USP24: variants seen among roughly 807,000 people sequenced by gnomAD.
USP24 encodes ubiquitin carboxyl-terminal hydrolase 24.
A neutral mutation model predicts 361.6 loss-of-function variants in USP24; 97 were observed. The ratio of observed to expected loss-of-function variants is 0.27; its 90% CI spans 0.23 to 0.32. The LOEUF (loss-of-function observed/expected upper bound fraction) is 0.32, where lower values mean the gene tolerates loss of function less well. Among genes scored for constraint, USP24 ranks in the 10% least tolerant of loss-of-function variants. The pLI is 1.00. For synonymous variants in USP24, 1,098 were observed against 1,124.6 expected (o/e 0.98, Z 0.47); for missense variants, 2,353 against 3,165.6 (o/e 0.74, Z 6.16).
At chr1:55,170,673 A>G (rs539175768) in intron 5 of USP24, among the ~76,000 whole-genome samples, 12 of 152,154 alleles carry the variant, frequency 7.9e-5, no homozygotes, top group Non-Finnish European at 1.8e-4. Context: ...CTTTCCACTC[A>G]GCTTTTTCCT....
At chr1:55,105,397 T>C (rs1366682936) in intron 41 of USP24, among the ~76,000 whole-genome samples, 1 of 152,224 alleles carries the variant, frequency 6.6e-6, no homozygotes, top group Admixed American at 6.5e-5. Context: ...TGTGATAAGA[T>C]ACCTCTTAGG....
Position 55,128,860 on chromosome 1 carries a change from G to A in USP24, c.3635+617C>T, listed in dbSNP as rs1014694024. On this transcript the variant is annotated intron_variant, in intron 32 of 67. Coordinates refer to ENST00000294383, the MANE Select transcript of USP24 (RefSeq NM_015306.3). Reference sequence around the variant, plus strand: ...GTCCCAAGTAGTTAGGACTACAAGTGCATGTCATCACACTCAACTATTTTT... The same window carrying A: ...GTCCCAAGTAGTTAGGACTACAAGTACATGTCATCACACTCAACTATTTTT... Among the ~76,000 whole-genome samples, 40 of 151,556 alleles carry A rather than the reference G, an allele frequency of 2.6e-4. 1 individual carries two copies. The highest frequency in any genetic ancestry group is 2.5e-3 in the Admixed American group (38 of 15,188).
intron 1 of USP24, among the ~76,000 whole-genome samples, chr1:55,182,722 T>C (rs1228017972): frequency 6.6e-6 from 1 of 152,126 alleles, no homozygotes; most frequent in Non-Finnish European, 1.5e-5. Context: ...AAACAGTCTT[T>C]TATTTTTTTT....
At chr1:55,176,976 G>C (rs575242800) in intron 2 of USP24, among the ~76,000 whole-genome samples, 1 of 151,666 alleles carries the variant, frequency 6.6e-6, no homozygotes, top group African/African-American at 2.4e-5. Context: ...CTGTTGTCCC[G>C]GCTACTTGGG....
At chr1:55,095,911 G>C (rs541821712) in intron 50 of USP24, among the ~76,000 whole-genome samples, 3 of 152,248 alleles carry the variant, frequency 2.0e-5, no homozygotes, top group African/African-American at 7.2e-5. Flanking sequence ...TAAAAATTTA[G>C]AAATACCACT....
Position 55,070,123 on chromosome 1 carries a change from G to A in USP24, c.7801-1016C>T, listed in dbSNP as rs1262212837. Among the ~76,000 whole-genome samples the A allele has an allele frequency of 1.3e-5, 2 of 152,076 alleles. 1 individual carries two copies. Among genetic ancestry groups the A allele is most frequent in the Non-Finnish European group, 2.9e-5 (2 of 68,026 alleles). On this transcript the variant is annotated intron_variant, in intron 67 of 67. Coordinates refer to ENST00000294383, the MANE Select transcript of USP24 (RefSeq NM_015306.3). Reference sequence around the variant, plus strand: ...CCTTTCAAAGGGAGCTGTCCGGGATGACATGGGGGTGCTGTGTGTGAGATA... The same window carrying A: ...CCTTTCAAAGGGAGCTGTCCGGGATAACATGGGGGTGCTGTGTGTGAGATA...
At chr1:55,171,712 C>T in intron 4 of USP24, 34 bp from the exon 5 acceptor site, 2 of 1,579,230 alleles carry the variant, frequency 1.3e-6, no homozygotes, top group Non-Finnish European at 1.7e-6. Context: ...ACATTATTAT[C>T]TATTTCTATA....
Position 55,214,997 on chromosome 1 carries a change from T to C in USP24, c.117A>G (p.Ala39=), listed in dbSNP as rs1447679327. The C allele has an allele frequency of 2.1e-6, 3 of 1,462,292 alleles. No homozygotes were observed. Among genetic ancestry groups the C allele is most frequent in the Non-Finnish European group, 1.8e-6 (2 of 1,105,590 alleles). 90.6% of individuals were successfully genotyped at this position (1,462,292 alleles called of 1,614,324 possible). Residue 39 remains alanine, a synonymous_variant, in exon 1 of 68, where the codon GCA becomes GCG. Coordinates refer to ENST00000294383, the MANE Select transcript of USP24 (RefSeq NM_015306.3). The stretch of plus-strand genomic sequence containing the variant: ...GGCCCGGCCGCTCGTTGGTGAGCAG[T>C]GCCACGGCCTCGTTAATGTCGTTCT... ...LAKNDINEAV[A]LLTNERPGLD... is the part of the protein sequence containing the mutation.
At position 55,125,530 on chromosome 1, in the gene USP24, T is replaced by C; in HGVS notation, c.3750A>G (p.Gln1250=). 1 of 1,613,410 alleles carries C rather than the reference T, an allele frequency of 6.2e-7. No homozygotes were observed. The highest frequency in any genetic ancestry group is 8.5e-7 in the Non-Finnish European group (1 of 1,179,492). The change falls in exon 34 of 68, where the codon CAA becomes CAG. Residue 1250 remains glutamine, a synonymous_variant. Transcript: ENST00000294383. ...CTTCATCTAATAACGTGGGCATTGT[T>C]TGTCCGACAAGTAAAAATCTTAAAA... ...LQLARFLLVG[Q]TMPTLLDEDL...
chr1:55,153,091 C>G (rs1004850937), intron 16 of USP24, among the ~76,000 whole-genome samples: 1 of 152,146 alleles, frequency 6.6e-6, no homozygotes, highest in South Asian at 2.1e-4. Flanking sequence ...TAAGTTTGGT[C>G]TGGGCACCCT....
Position 55,171,966 on chromosome 1 carries a change from G to A in USP24, c.703-288C>T, listed in dbSNP as rs114813212. Among the ~76,000 whole-genome samples, 76 of 152,252 alleles carry A rather than the reference G, an allele frequency of 5.0e-4. 1 individual carries two copies. The highest frequency in any genetic ancestry group is 1.7e-3 in the African/African-American group (72 of 41,540). ...GCCCCAAGTGTGCTAGGGCTACCGG[G>A]GATGAGATGAGGAACAGAGGCACTG... On this transcript the variant is annotated intron_variant, in intron 4 of 67. Transcript: ENST00000294383.
intron 52 of USP24, among the ~76,000 whole-genome samples, chr1:55,093,275 CTCTT>C (rs1174001773): frequency 6.6e-6 from 1 of 152,192 alleles, no homozygotes. Context: ...TGGCTTAATT[CTCTT>C]TCTTTCTTAA....
At position 55,067,523 on chromosome 1, in the gene USP24, A is replaced by C. The variant is rs1376658979; in HGVS notation, c.*1522T>G. ...TAACAATGAAGTCTGACAGCACAGA[A>C]ACCCTCACTGCCAGAGAATGAAAAG... On this transcript the variant is annotated 3_prime_UTR_variant, in exon 68 of 68. Transcript: ENST00000294383. The C allele has an allele frequency of 6.6e-6, 1 of 152,232 alleles. No individual in the cohort carries two copies. The highest frequency in any genetic ancestry group is 1.9e-4 in the East Asian group (1 of 5,196). 9.4% of individuals were successfully genotyped at this position (152,232 alleles called of 1,614,324 possible).
intron 39 of USP24, among the ~76,000 whole-genome samples, chr1:55,107,987 G>C (rs1257964573): frequency 1.3e-5 from 2 of 151,998 alleles, no homozygotes; most frequent in Non-Finnish European, 2.9e-5. Context: ...GCAGGTCACT[G>C]TGCCATATGC....
At chr1:55,145,636 G>A (rs1417938609) in intron 20 of USP24, among the ~76,000 whole-genome samples, 1 of 152,120 alleles carries the variant, frequency 6.6e-6, no homozygotes, top group Non-Finnish European at 1.5e-5. Flanking sequence ...TTTAAAAAGT[G>A]AGTTTCATGG....
chr1:55,206,028 A>C (rs911094788), intron 1 of USP24, among the ~76,000 whole-genome samples: 3 of 152,212 alleles, frequency 2.0e-5, no homozygotes, highest in Non-Finnish European at 4.4e-5. Flanking sequence ...TGACTTGCCA[A>C]ACAACAGCAA....
intron 21 of USP24, among the ~76,000 whole-genome samples, chr1:55,143,676 G>A (rs1646950681): frequency 1.3e-5 from 2 of 151,278 alleles, no homozygotes. Context: ...AACATAAGCT[G>A]TACATCCTAG....
At chr1:55,136,657 T>C (rs553629879) in intron 28 of USP24, among the ~76,000 whole-genome samples, 168 of 152,210 alleles carry the variant, frequency 1.1e-3, no homozygotes, top group Non-Finnish European at 1.9e-3. Context: ...AATTTGGTCA[T>C]GGACACGGGT....
chr1:55,138,585 T>C, intron 26 of USP24, 23 bp downstream of exon 26: 2 of 1,514,296 alleles, frequency 1.3e-6, no homozygotes, highest in East Asian at 2.3e-5. Context: ...TGAAAATGGC[T>C]GTAGTTCTTA....
Sources: gnomAD v4.1 joint callset for allele counts (sites outside exome capture counted in the v4.1 genomes callset) on GRCh38, gnomAD v4.1.1 for gene constraint, MANE v1.5 for transcripts, NCBI Gene and HGNC (gene_info 2026-07-23, HGNC 2026-07-21) for gene names.